HERC2: variants seen among roughly 807,000 people sequenced by gnomAD.
HERC2 encodes the protein E3 ubiquitin-protein ligase HERC2.
HERC2 carries 102 observed loss-of-function variants against 537.7 expected under a neutral mutation model. The ratio of observed to expected loss-of-function variants is 0.19; its 90% CI spans 0.16 to 0.22. HERC2 has a LOEUF of 0.22. HERC2 is among the 10% of genes least tolerant of loss of function. The pLI, the probability that HERC2 is intolerant of heterozygous loss-of-function variation, is 1.00. For missense variants in HERC2, 4,236 were observed against 6,198.2 expected (o/e 0.68, Z 10.63); for synonymous variants, 2,224 against 2,466.2 (o/e 0.90, Z 2.91).
At chr15:28,223,045 T>G (rs576066236) in intron 35 of HERC2, among the ~76,000 whole-genome samples, 1 of 151,820 alleles carries the variant, frequency 6.6e-6, no homozygotes, top group Non-Finnish European at 1.5e-5. Flanking sequence ...TTCAACTACA[T>G]GCTGAGTCTT....
At chr15:28,145,316 C>T (rs969042749) in intron 71 of HERC2, among the ~76,000 whole-genome samples, 8 of 152,196 alleles carry the variant, frequency 5.3e-5, no homozygotes, top group Admixed American at 1.3e-4. Flanking sequence ...TGGACAGGAG[C>T]GGTGGTGTAC....
chr15:28,193,664 T>G (rs1160531844), intron 52 of HERC2, among the ~76,000 whole-genome samples: 3 of 151,954 alleles, frequency 2.0e-5, no homozygotes, highest in Non-Finnish European at 4.4e-5. Flanking sequence ...GTAAAACCTG[T>G]GCAAGATGAA....
chr15:28,202,308 C>A (rs1217732119), intron 46 of HERC2, 39 bp downstream of exon 46: 1 of 1,612,834 alleles, frequency 6.2e-7, no homozygotes, highest in East Asian at 2.2e-5. Context: ...GAAGCGGGAA[C>A]CCACACATAC....
chr15:28,258,915 C>A (rs1261934257), intron 16 of HERC2, among the ~76,000 whole-genome samples: 4 of 152,124 alleles, frequency 2.6e-5, no homozygotes, highest in Non-Finnish European at 5.9e-5. Context: ...CCGCAGGCCC[C>A]ACAGACTTCA....
At chr15:28,140,302 G>A (rs965761080) in intron 78 of HERC2, among the ~76,000 whole-genome samples, 40 of 151,966 alleles carry the variant, frequency 2.6e-4, no homozygotes, top group Middle Eastern at 3.4e-3. Flanking sequence ...GAATCACACC[G>A]CAACCCCAGC....
In HERC2 at chr15:28,180,231, A is replaced by AT. The variant is rs1220530756; in HGVS notation, c.8938-1009dup. ...CCACTGAGTTACAACTGCCTACCAT[A>AT]TTCAGTACAGTTCCATGTTGTAGCC... is the stretch of plus-strand genomic sequence containing the variant. On this transcript the variant is annotated intron_variant, in intron 57 of 92. Transcript: ENST00000261609. Among the ~76,000 whole-genome samples the AT allele has an allele frequency of 3.9e-5, 6 of 152,324 alleles. 1 individual carries two copies. The highest frequency in any genetic ancestry group is 6.8e-3 in the Middle Eastern group (2 of 294).
intron 78 of HERC2, among the ~76,000 whole-genome samples, chr15:28,139,738 C>T (rs1891001261): frequency 6.6e-6 from 1 of 151,968 alleles, no homozygotes; most frequent in African/African-American, 2.4e-5. Flanking sequence ...ATGAGAAAAC[C>T]AATTAATCCA....
intron 45 of HERC2, among the ~76,000 whole-genome samples, chr15:28,204,484 G>A (rs1161122214): frequency 6.6e-6 from 1 of 151,996 alleles, no homozygotes; most frequent in African/African-American, 2.4e-5. Flanking sequence ...GCCAGGCGTG[G>A]TGGCAGGCAC....
intron 86 of HERC2, 49 bp from the exon 87 acceptor site, chr15:28,117,203 G>A: frequency 6.3e-7 from 1 of 1,589,904 alleles, no homozygotes; most frequent in Non-Finnish European, 8.6e-7. Flanking sequence ...GCAGCAGGAA[G>A]CACACAGTCG....
Position 28,142,208 on chromosome 15 carries a change from C to A in HERC2, c.11700+30G>T, listed in dbSNP as rs1167785561. On this transcript the variant is annotated intron_variant, in intron 76 of 92. Coordinates refer to ENST00000261609, the MANE Select transcript of HERC2 (RefSeq NM_004667.6). Reference sequence around the variant, plus strand: ...ATAGCTAAATAATGTTTTTGCATCCCAAAAGTGATTCCAAAATATCATGCA... The same window carrying A: ...ATAGCTAAATAATGTTTTTGCATCCAAAAAGTGATTCCAAAATATCATGCA... The A allele has an allele frequency of 3.1e-6, 5 of 1,601,888 alleles. No homozygotes were observed. In the South Asian group the frequency reaches 5.6e-5, roughly 18 times the overall value.
intron 34 of HERC2, 110 bp from the exon 35 acceptor site, chr15:28,228,519 G>T (rs1901482839): frequency 1.0e-6 from 1 of 993,288 alleles, no homozygotes; most frequent in South Asian, 1.6e-5. Context: ...GAAACCCACT[G>T]ACATTTCTTC....
At chr15:28,216,012 CT>C (rs879885077) in intron 38 of HERC2, among the ~76,000 whole-genome samples, 131 of 145,748 alleles carry the variant, frequency 9.0e-4, no homozygotes, top group Non-Finnish European at 8.5e-4. Context: ...CTCAATTTTT[CT>C]TTTTTTTTTT....
chr15:28,128,306 C>A lies in HERC2; in HGVS notation c.12802+1857G>T, dbSNP rs548931890. Among the ~76,000 whole-genome samples, 117 of 152,280 alleles carry A rather than the reference C, an allele frequency of 7.7e-4. 1 individual carries two copies. Among genetic ancestry groups the A allele is most frequent in the African/African-American group, 2.7e-3 (111 of 41,560 alleles). On this transcript the variant is annotated intron_variant, in intron 83 of 92. Transcript: ENST00000261609. ...GGGTGGGGGAGTGTGAACTGGCTGGCAGGACGAGCCTCCCTGTTTGTGGGA... is the reference window on the plus strand; with the variant it reads ...GGGTGGGGGAGTGTGAACTGGCTGGAAGGACGAGCCTCCCTGTTTGTGGGA...
intron 86 of HERC2, among the ~76,000 whole-genome samples, chr15:28,118,652 C>T (rs1888541799): frequency 6.6e-6 from 1 of 152,210 alleles, no homozygotes; most frequent in Non-Finnish European, 1.5e-5. Context: ...CCTCCCATGG[C>T]ATCCTCTTGG....
rs1042043017 is a variant in HERC2 at position 28,269,490 on chromosome 15, G to C, written c.1258-54C>G. On this transcript the variant is annotated intron_variant, in intron 10 of 92. Transcript: ENST00000261609. ...TTAACAACAACAACAATAAAAAAAG[G>C]CTGGGAGTAACACTGAGCTACTACA... 11 of 1,432,524 alleles carry C rather than the reference G, an allele frequency of 7.7e-6. No individual in the cohort carries two copies. The Admixed American group carries it at 1.8e-4, about 23-fold the overall frequency. 88.7% of individuals were successfully genotyped at this position (1,432,524 alleles called of 1,614,324 possible).
intron 86 of HERC2, 45 bp from the exon 87 acceptor site, chr15:28,117,199 G>A: frequency 1.3e-6 from 2 of 1,597,146 alleles, no homozygotes; most frequent in African/African-American, 1.3e-5. Context: ...TGCCGCAGCA[G>A]GAAGCACACA....
intron 68 of HERC2, among the ~76,000 whole-genome samples, chr15:28,166,077 T>A (rs117760720): frequency 6.6e-6 from 1 of 152,136 alleles, no homozygotes; most frequent in Admixed American, 6.5e-5. Flanking sequence ...GAAGAACACA[T>A]AAAATTCTAC....
intron 21 of HERC2, among the ~76,000 whole-genome samples, chr15:28,248,215 G>A (rs1199876782): frequency 6.6e-6 from 1 of 152,126 alleles, no homozygotes; most frequent in Admixed American, 6.5e-5. Context: ...ATATGAATAG[G>A]CTGTCACTGT....
intron 2 of HERC2, chr15:28,315,744 A>C (rs1038554806): frequency 7.2e-7 from 1 of 1,384,660 alleles, no homozygotes; most frequent in African/African-American, 1.4e-5. Context: ...GCGCAAAAGA[A>C]GAAAGATGAG....
Sources: allele counts gnomAD v4.1 joint callset (sites outside exome capture counted in the v4.1 genomes callset), GRCh38; gene constraint gnomAD v4.1.1; transcripts MANE v1.5; gene names NCBI Gene and HGNC (gene_info 2026-07-23, HGNC 2026-07-21).